ABCC4: variants seen among roughly 807,000 people sequenced by gnomAD.
ABCC4 encodes ATP binding cassette subfamily C member 4 (PEL blood group), also known as ATP-binding cassette sub-family C member 4.
In ABCC4, 102 loss-of-function variants were observed where a neutral mutation model predicts 168.5. The ratio of observed to expected loss-of-function variants is 0.61; its 90% CI spans 0.52 to 0.71. The LOEUF is 0.71. Among genes scored for constraint, ABCC4 ranks in the 30% least tolerant of loss-of-function variants. The pLI, the probability that ABCC4 is intolerant of heterozygous loss-of-function variation, is 0.00. For synonymous variants in ABCC4, 617 were observed against 590.7 expected (o/e 1.04, Z -0.65); for missense variants, 1,402 against 1,605.8 (o/e 0.87, Z 2.17).
intron 30 of ABCC4, among the ~76,000 whole-genome samples, chr13:95,030,933 A>T (rs1368897924): frequency 6.6e-6 from 1 of 152,190 alleles, no homozygotes; most frequent in Non-Finnish European, 1.5e-5. Flanking sequence ...CAAAAGAGAG[A>T]CTCAGCTTTG....
intron 3 of ABCC4, among the ~76,000 whole-genome samples, chr13:95,241,580 T>A (rs908468119): frequency 2.0e-5 from 3 of 152,036 alleles, no homozygotes; most frequent in African/African-American, 7.2e-5. Context: ...CCAGTCCCCA[T>A]CACAGTCTCC....
intron 23 of ABCC4, 31 bp from the exon 24 acceptor site, chr13:95,073,335 A>G: frequency 6.4e-7 from 1 of 1,569,688 alleles, no homozygotes. Flanking sequence ...GAATAAAGTC[A>G]GTCTCACTTC....
At chr13:95,266,218 C>T (rs2040670304) in intron 1 of ABCC4, 1 of 152,272 alleles carries the variant, frequency 6.6e-6, no homozygotes, top group Non-Finnish European at 1.5e-5. Context: ...CCAAGTGGGT[C>T]CTAAATCCAA....
chr13:95,067,893 A>C (rs2033601263), intron 25 of ABCC4, among the ~76,000 whole-genome samples: 1 of 152,206 alleles, frequency 6.6e-6, no homozygotes, highest in Non-Finnish European at 1.5e-5. Context: ...AAATGATTAA[A>C]TCAACCACAA....
rs559322760 is a variant in ABCC4, at chr13:95,289,092, C to T, written c.74+12149G>A. Among the ~76,000 whole-genome samples the T allele has an allele frequency of 1.3e-3, 194 of 152,280 alleles. 3 individuals are homozygous for T. In the South Asian group the frequency reaches 0.018, roughly 14 times the overall value. On this transcript the variant is annotated intron_variant, in intron 1 of 30. Transcript: ENST00000645237. ...AGAGTACACACTGTTGGACTGTATGCACTCTCCGTCTCTCAAGACAGTAAT... is the reference window on the plus strand; with the variant it reads ...AGAGTACACACTGTTGGACTGTATGTACTCTCCGTCTCTCAAGACAGTAAT...
Position 95,071,730 on chromosome 13 carries a change from A to C in ABCC4, c.3142T>G (p.Phe1048Val). 8 of 1,603,686 alleles carry C rather than the reference A, an allele frequency of 5.0e-6. No homozygotes were observed. The highest frequency in any genetic ancestry group is 1.1e-5 in the South Asian group (1 of 88,706). ...EGVIIFDNVN[F>V]MYSPGGPLVL... is the part of the protein sequence containing the mutation. The stretch of plus-strand genomic sequence containing the variant: ...AGAGGCCCACCTGGACTGTACATGA[A>C]GTTCACATTGTCAAAGATTATCACT... The change falls in exon 25 of 31, where the codon TTC becomes GTC. Residue 1048 changes from phenylalanine to valine, a missense_variant. Coordinates refer to ENST00000645237, the MANE Select transcript of ABCC4 (RefSeq NM_005845.5).
At chr13:95,178,205 T>G in intron 11 of ABCC4, 114 bp from the exon 12 acceptor site, 1 of 873,054 alleles carries the variant, frequency 1.1e-6, no homozygotes, top group South Asian at 1.5e-5. Context: ...CTTCAGAAAT[T>G]TACATGTATT....
chr13:95,086,966 C>T (rs1048389328), intron 20 of ABCC4, among the ~76,000 whole-genome samples: 3 of 152,096 alleles, frequency 2.0e-5, no homozygotes, highest in Non-Finnish European at 2.9e-5. Context: ...GAATTGTGTT[C>T]TAAGCTGTGA....
At chr13:95,169,879 C>CA (rs1294969095) in intron 14 of ABCC4, among the ~76,000 whole-genome samples, 1 of 152,090 alleles carries the variant, frequency 6.6e-6, no homozygotes, top group African/African-American at 2.4e-5. Flanking sequence ...TTTTTTGAGA[C>CA]AGAGTCTCAC....
chr13:95,105,801 C>T (rs567333911), intron 20 of ABCC4, among the ~76,000 whole-genome samples: 2 of 152,264 alleles, frequency 1.3e-5, no homozygotes, highest in East Asian at 3.9e-4. Flanking sequence ...CCCCAAGATG[C>T]TGATGCAGAT....
intron 1 of ABCC4, among the ~76,000 whole-genome samples, chr13:95,277,628 T>TG (rs1171209778): frequency 5.4e-5 from 8 of 149,396 alleles, no homozygotes; most frequent in Middle Eastern, 7.0e-3. Flanking sequence ...TGGTAGTGAA[T>TG]GGGGGCGTTT....
intron 21 of ABCC4, among the ~76,000 whole-genome samples, chr13:95,077,678 T>C (rs1227346556): frequency 7.2e-6 from 1 of 139,690 alleles, no homozygotes; most frequent in Non-Finnish European, 1.6e-5. Flanking sequence ...TTTTATAAAA[T>C]GATGAGGGGG....
In ABCC4 at chr13:95,062,822, GA is replaced by G; in HGVS notation, c.3247del (p.Ser1083ProfsTer22). On this transcript the variant is annotated frameshift_variant, in exon 26 of 31. Coordinates refer to ENST00000645237, the MANE Select transcript of ABCC4 (RefSeq NM_005845.5). LOFTEE classifies it high-confidence loss of function. ...IVGRTGAGKSSLISALFRLSE... is the reference protein window; with the variant it reads ...IVGRTGAGKSXLISALFRLSE... The stretch of plus-strand genomic sequence containing the variant: ...CAATCTAAAAAGGGCTGAGATGAGG[GA>G]ACTTTTTCCAGCTCCGGTTCTTCCC... The G allele has an allele frequency of 6.2e-7, 1 of 1,613,536 alleles. No individual in the cohort carries two copies. Among genetic ancestry groups the G allele is most frequent in the Non-Finnish European group, 8.5e-7 (1 of 1,179,882 alleles).
At chr13:95,111,408 A>G (rs555373661) in intron 20 of ABCC4, among the ~76,000 whole-genome samples, 33 of 152,338 alleles carry the variant, frequency 2.2e-4, no homozygotes, top group African/African-American at 6.7e-4. Context: ...TTTGTATTCT[A>G]TAAGTTATTT....
chr13:95,159,878 T>C (rs72643628), intron 19 of ABCC4, among the ~76,000 whole-genome samples: 1,754 of 152,282 alleles, frequency 0.012, 16 homozygotes, highest in Middle Eastern at 0.037. Context: ...GTAGGAGTAA[T>C]TTCCACCCCA....
intron 19 of ABCC4, among the ~76,000 whole-genome samples, chr13:95,152,635 C>A (rs772546235): frequency 2.0e-5 from 3 of 152,092 alleles, no homozygotes; most frequent in African/African-American, 7.2e-5. Context: ...ATGTTTTAAA[C>A]TTCATGGAAA....
intron 20 of ABCC4, among the ~76,000 whole-genome samples, chr13:95,113,173 T>G (rs2035261115): frequency 6.6e-6 from 1 of 152,180 alleles, no homozygotes; most frequent in African/African-American, 2.4e-5. Flanking sequence ...AAATTTCCTT[T>G]GCAAAACAAA....
chr13:95,033,903 C>A (rs2032004711), intron 30 of ABCC4, among the ~76,000 whole-genome samples: 1 of 152,138 alleles, frequency 6.6e-6, no homozygotes, highest in African/African-American at 2.4e-5. Flanking sequence ...CTCAGGTGAT[C>A]TGCCTGCTTG....
chr13:95,066,007 A>G (rs896884987), intron 25 of ABCC4, among the ~76,000 whole-genome samples: 3 of 152,162 alleles, frequency 2.0e-5, no homozygotes, highest in Non-Finnish European at 4.4e-5. Context: ...CCTCCTCTAC[A>G]AAACAGTCCC....
Sources: gnomAD v4.1 joint callset for allele counts (sites outside exome capture counted in the v4.1 genomes callset) on GRCh38, gnomAD v4.1.1 for gene constraint, MANE v1.5 for transcripts, NCBI Gene and HGNC (gene_info 2026-07-23, HGNC 2026-07-21) for gene names.